Variants in ETF1 observed in about 807,000 individuals in gnomAD.
ETF1 encodes the protein eukaryotic translation termination factor 1.
Under a neutral mutation model 55.1 loss-of-function variants are expected in ETF1, and 4 were observed. The observed-to-expected ratio is 0.07, with a 90% CI of 0.04 to 0.17. The LOEUF is 0.17. Among genes scored for constraint, ETF1 ranks in the 10% least tolerant of loss-of-function variants. ETF1 has a pLI of 1.00. For missense variants in ETF1, 142 were observed against 523.6 expected, an observed-to-expected ratio of 0.27 and a Z score of 7.11; for synonymous variants, 157 against 182.3, an observed-to-expected ratio of 0.86 and a Z score of 1.12.
intron 4 of ETF1, among the ~76,000 whole-genome samples, chr5:138,516,684 T>G (rs1204790304): frequency 2.0e-5 from 3 of 152,238 alleles, no homozygotes; most frequent in African/African-American, 7.2e-5. Flanking sequence ...GTAAATTGCC[T>G]TACTTTTTGA....
chr5:138,525,261 G>A (rs1262582462), intron 2 of ETF1, among the ~76,000 whole-genome samples: 1 of 151,648 alleles, frequency 6.6e-6, no homozygotes, highest in Non-Finnish European at 1.5e-5. Context: ...GGGTTCAAGC[G>A]ATTCTCCTGC....
At position 138,510,549 on chromosome 5, in the gene ETF1, GA is replaced by G; in HGVS notation, c.1083+15del. On this transcript the variant is annotated intron_variant, in intron 9 of 10. Coordinates refer to ENST00000360541, the MANE Select transcript of ETF1 (RefSeq NM_004730.4). ...ACGCTTGCACGTATCATCAAACCAA[GA>G]AAATAATCACATACCTCTTTGTCTG... 1 of 1,594,048 alleles carries G rather than the reference GA, an allele frequency of 6.3e-7. No individual in the cohort carries two copies. Among genetic ancestry groups the G allele is most frequent in the Non-Finnish European group, 8.6e-7 (1 of 1,161,924 alleles).
chr5:138,514,795 C>T (rs1168847934), intron 4 of ETF1, among the ~76,000 whole-genome samples: 2 of 152,034 alleles, frequency 1.3e-5, no homozygotes, highest in Non-Finnish European at 2.9e-5. Context: ...ACTTTATATC[C>T]CTTTATGCCT....
intron 2 of ETF1, 94 bp downstream of exon 2, chr5:138,542,739 T>C: frequency 1.3e-6 from 2 of 1,554,748 alleles, no homozygotes; most frequent in Middle Eastern, 1.9e-4. Flanking sequence ...GGCTAGTGCC[T>C]GGTTCTCCTC....
chr5:138,524,390 TG>T (rs1765369209), intron 2 of ETF1, among the ~76,000 whole-genome samples: 1 of 151,402 alleles, frequency 6.6e-6, no homozygotes. Flanking sequence ...TAGTGAGACC[TG>T]TCTCTACAAA....
intron 3 of ETF1, 62 bp from the exon 4 acceptor site, chr5:138,517,762 G>A (rs1240055550): frequency 7.4e-7 from 1 of 1,352,948 alleles, no homozygotes; most frequent in African/African-American, 1.5e-5. Flanking sequence ...TCAATTAATA[G>A]AAAATGTTCC....
intron 2 of ETF1, among the ~76,000 whole-genome samples, chr5:138,534,551 G>C (rs1452000329): frequency 5.3e-5 from 8 of 152,206 alleles, no homozygotes; most frequent in Non-Finnish European, 1.5e-5. Flanking sequence ...GAATAAACAT[G>C]TTCAGTATCC....
In ETF1 at chr5:138,506,337, GCAT is replaced by G. The variant is rs1306865472; in HGVS notation, c.*1965_*1967del. The G allele has an allele frequency of 6.6e-6, 1 of 152,466 alleles. No homozygotes were observed. The highest frequency in any genetic ancestry group is 1.5e-5 in the Non-Finnish European group (1 of 68,026). The allele number at this position is 152,466 out of a possible 1,614,324, so 9.4% of individuals were successfully genotyped here. On this transcript the variant is annotated 3_prime_UTR_variant, in exon 11 of 11. Transcript: ENST00000360541. ...TTGATTAAAGAAATACAAAAATTTGGCATCATTTCCAAACTTAAATAGTAAAAA... is the reference window on the plus strand; with the variant it reads ...TTGATTAAAGAAATACAAAAATTTGGCATTTCCAAACTTAAATAGTAAAAA...
chr5:138,509,651 T>C (rs1006479470), intron 9 of ETF1, among the ~76,000 whole-genome samples: 5 of 151,864 alleles, frequency 3.3e-5, no homozygotes, highest in East Asian at 1.9e-4. Context: ...TCCCAGCATT[T>C]TGGGAGGCTA....
intron 2 of ETF1, 144 bp downstream of exon 2, chr5:138,542,689 G>A (rs998763739): frequency 1.4e-5 from 21 of 1,480,158 alleles, no homozygotes; most frequent in Non-Finnish European, 1.2e-5. Context: ...CTCGCCCCTG[G>A]GTCAGGGGCT....
At chr5:138,536,313 A>G (rs1191996893) in intron 2 of ETF1, among the ~76,000 whole-genome samples, 4 of 152,230 alleles carry the variant, frequency 2.6e-5, no homozygotes, top group East Asian at 1.9e-4. Flanking sequence ...TATCTGTATG[A>G]TAAGAACCAG....
intron 3 of ETF1, chr5:138,517,978 G>A: frequency 1.5e-6 from 1 of 658,202 alleles, no homozygotes. Context: ...GAGGTAGGCG[G>A]ATCACCTGAC....
intron 2 of ETF1, among the ~76,000 whole-genome samples, chr5:138,527,775 TTTC>T (rs1765538465): frequency 6.6e-6 from 1 of 151,168 alleles, no homozygotes; most frequent in Middle Eastern, 3.2e-3. Context: ...AGTTCTTTCT[TTTC>T]TTTTTTTTTT....
At chr5:138,526,069 G>A (rs1318352763) in intron 2 of ETF1, among the ~76,000 whole-genome samples, 1 of 152,016 alleles carries the variant, frequency 6.6e-6, no homozygotes, top group Non-Finnish European at 1.5e-5. Context: ...CCCTTAAAGG[G>A]TATATAAGTT....
chr5:138,510,702 G>C lies in ETF1; in HGVS notation c.1019-73C>G, dbSNP rs140291848. On this transcript the variant is annotated intron_variant, in intron 8 of 10. Coordinates refer to ENST00000360541, the MANE Select transcript of ETF1 (RefSeq NM_004730.4). ...AATCTGTGTAAGCTCCATAAGATGA[G>C]GTTAGATGAGAAAAGGGCTCAGGGA... 2,936 of 1,573,566 alleles carry C rather than the reference G, an allele frequency of 1.9e-3. 63 individuals carry two copies. The African/African-American group carries it at 0.034, about 18-fold the overall frequency.
intron 2 of ETF1, among the ~76,000 whole-genome samples, chr5:138,528,259 AG>A (rs1765560438): frequency 6.6e-6 from 1 of 152,250 alleles, no homozygotes; most frequent in African/African-American, 2.4e-5. Flanking sequence ...TAAAGAGGGG[AG>A]AAATTTGGGA....
chr5:138,521,313 A>G (rs907860833), intron 2 of ETF1, among the ~76,000 whole-genome samples: 1 of 152,196 alleles, frequency 6.6e-6, no homozygotes, highest in Admixed American at 6.5e-5. Flanking sequence ...TGCAGTTGCC[A>G]GCAACTGGAG....
At chr5:138,529,965 A>G (rs1196824855) in intron 2 of ETF1, among the ~76,000 whole-genome samples, 2 of 151,958 alleles carry the variant, frequency 1.3e-5, no homozygotes, top group East Asian at 3.9e-4. Context: ...CTGGTCACGA[A>G]CTCTTGGGCC....
At chr5:138,523,492 C>T (rs905199688) in intron 2 of ETF1, among the ~76,000 whole-genome samples, 6 of 152,114 alleles carry the variant, frequency 3.9e-5, no homozygotes, top group African/African-American at 1.4e-4. Context: ...CGAGACCACG[C>T]CACTGCACTC....
Sources: allele counts gnomAD v4.1 joint callset (sites outside exome capture counted in the v4.1 genomes callset), GRCh38; gene constraint gnomAD v4.1.1; transcripts MANE v1.5; gene names NCBI Gene and HGNC (gene_info 2026-07-23, HGNC 2026-07-21).